ARHGAP29: variants seen among roughly 807,000 people sequenced by gnomAD.
The protein encoded by ARHGAP29 is Rho GTPase activating protein 29.
A neutral mutation model predicts 122.6 loss-of-function variants in ARHGAP29; 43 were observed. That is an observed-to-expected ratio of 0.35 (90% CI 0.27 to 0.45). The LOEUF is 0.45. Ranked by LOEUF, ARHGAP29 falls within the 20% of genes least tolerant of loss-of-function variation. The pLI is 1.00. For synonymous variants in ARHGAP29, 506 were observed against 497.1 expected, an observed-to-expected ratio of 1.02 and a Z score of -0.24; for missense variants, 1,303 against 1,477.2, an observed-to-expected ratio of 0.88 and a Z score of 1.93.
chr1:94,173,195 A>C lies in ARHGAP29; in HGVS notation c.*674T>G, dbSNP rs544219139. ...TATAATATAACTGAATATATAATTT[A>C]GAAACAGGTTTAAGTGCATTTTCTT... On this transcript the variant is annotated 3_prime_UTR_variant, in exon 23 of 23. Transcript: ENST00000260526. 5.2e-5 allele frequency: 8 copies of C among 152,778 alleles called. No homozygotes were observed. Among genetic ancestry groups the C allele is most frequent in the Middle Eastern group, 3.4e-3 (1 of 294 alleles). The allele number at this position is 152,778 out of a possible 1,614,324, so 9.5% of individuals were successfully genotyped here. A position where few individuals can be genotyped will look rare whatever the true frequency, so the allele number is the denominator to read the frequency against.
intron 12 of ARHGAP29, chr1:94,191,768 A>C (rs1361886711): frequency 6.6e-6 from 1 of 152,194 alleles, no homozygotes; most frequent in African/African-American, 2.4e-5. Context: ...GTTGAAACCC[A>C]AGATTCTGCA....
upstream of ARHGAP29, among the ~76,000 whole-genome samples, chr1:94,239,811 T>G (rs1407257599): frequency 1.3e-5 from 2 of 152,230 alleles, no homozygotes; most frequent in Admixed American, 1.3e-4. Flanking sequence ...CAAGGCTCCT[T>G]GATTACCTGC....
At chr1:94,181,934 A>T (rs1292882802) in intron 19 of ARHGAP29, among the ~76,000 whole-genome samples, 1 of 152,228 alleles carries the variant, frequency 6.6e-6, no homozygotes, top group Non-Finnish European at 1.5e-5. Context: ...TTAATAATTT[A>T]AAAATACTGA....
chr1:94,233,593 C>T (rs1044764778), intron 1 of ARHGAP29, among the ~76,000 whole-genome samples: 2 of 152,128 alleles, frequency 1.3e-5, no homozygotes, highest in African/African-American at 4.8e-5. Flanking sequence ...CTCTACAAGG[C>T]TCAACATGAG....
At chr1:94,277,245 C>T (rs1241740844), upstream of ARHGAP29, among the ~76,000 whole-genome samples, 5 of 152,122 alleles carry the variant, frequency 3.3e-5, no homozygotes, top group South Asian at 2.1e-4. Context: ...TTGCCATTCT[C>T]GGAAGATCTT....
intron 2 of ARHGAP29, among the ~76,000 whole-genome samples, chr1:94,221,989 AC>A (rs1194901634): frequency 1.3e-5 from 2 of 151,220 alleles, no homozygotes; most frequent in Non-Finnish European, 3.0e-5. Flanking sequence ...AAAAAAAAAA[AC>A]TAAAACAAAC....
chr1:94,243,200 G>T (rs1351958356), intron 1 of ARHGAP29, among the ~76,000 whole-genome samples: 1 of 146,906 alleles, frequency 6.8e-6, no homozygotes, highest in Non-Finnish European at 1.5e-5. Flanking sequence ...CAATCAACTT[G>T]ACCTGATAGA....
At chr1:94,293,504 C>G in the ARHGAP29 span, among the ~76,000 whole-genome samples, 1 of 152,184 alleles carries the variant, frequency 6.6e-6, no homozygotes, top group South Asian at 2.1e-4. Context: ...TCCAACCAGT[C>G]CCAGTGAGAT....
chr1:94,215,381 T>C (rs1487375638), intron 3 of ARHGAP29, among the ~76,000 whole-genome samples: 1 of 149,786 alleles, frequency 6.7e-6, no homozygotes, highest in Admixed American at 6.7e-5. Flanking sequence ...AAAATCTTCA[T>C]GGAAAAAATA....
intron 3 of ARHGAP29, among the ~76,000 whole-genome samples, chr1:94,214,697 T>C (rs1460177024): frequency 6.6e-6 from 1 of 152,164 alleles, no homozygotes; most frequent in Non-Finnish European, 1.5e-5. Flanking sequence ...CATTAAAATG[T>C]TGCTTAAGGT....
At chr1:94,174,811 G>A (rs2101320880) in intron 22 of ARHGAP29, 62 bp from the exon 23 acceptor site, 1 of 1,516,980 alleles carries the variant, frequency 6.6e-7, no homozygotes, top group East Asian at 2.3e-5. Context: ...GTTTGAATGA[G>A]TTAGAGATGA....
At chr1:94,281,840 T>A in the ARHGAP29 span, among the ~76,000 whole-genome samples, 1 of 152,152 alleles carries the variant, frequency 6.6e-6, no homozygotes, top group African/African-American at 2.4e-5. Context: ...GGGGAATATT[T>A]TTTTCCCTTG....
intron 6 of ARHGAP29, 42 bp from the exon 7 acceptor site, chr1:94,205,240 T>C: frequency 6.8e-7 from 1 of 1,468,346 alleles, no homozygotes; most frequent in South Asian, 1.4e-5. Flanking sequence ...TTAAATGTGA[T>C]CACATCATAA....
the ARHGAP29 span, among the ~76,000 whole-genome samples, chr1:94,294,540 C>T: frequency 6.6e-6 from 1 of 152,260 alleles, no homozygotes; most frequent in South Asian, 2.1e-4. Flanking sequence ...TCCACCTAGG[C>T]CTCCCAAAGT....
chr1:94,225,931 T>C (rs1652587280), intron 2 of ARHGAP29, among the ~76,000 whole-genome samples: 1 of 152,034 alleles, frequency 6.6e-6, no homozygotes, highest in Non-Finnish European at 1.5e-5. Flanking sequence ...TTCACCGATC[T>C]AAGCCATTTA....
At chr1:94,289,351 C>G in the ARHGAP29 span, among the ~76,000 whole-genome samples, 251 of 152,286 alleles carry the variant, frequency 1.6e-3, 1 homozygote, top group African/African-American at 5.8e-3. Context: ...TATCCTGAGA[C>G]TTTGCTGAAG....
At chr1:94,198,487 CA>C (rs1650608275) in intron 12 of ARHGAP29, among the ~76,000 whole-genome samples, 1 of 151,874 alleles carries the variant, frequency 6.6e-6, no homozygotes, top group African/African-American at 2.4e-5. Flanking sequence ...CAAAAACAAA[CA>C]AAAAACCCCC....
At chr1:94,175,131 G>A (rs899378296) in intron 22 of ARHGAP29, among the ~76,000 whole-genome samples, 1 of 152,154 alleles carries the variant, frequency 6.6e-6, no homozygotes, top group African/African-American at 2.4e-5. Context: ...CCAACCAGAT[G>A]TAAGTGTGCC....
At chr1:94,281,036 C>T in the ARHGAP29 span, among the ~76,000 whole-genome samples, 3 of 152,160 alleles carry the variant, frequency 2.0e-5, no homozygotes, top group African/African-American at 7.2e-5. Context: ...CATTTCAATC[C>T]TTTCAAGAGC....
Sources: gnomAD v4.1 joint callset for allele counts (sites outside exome capture counted in the v4.1 genomes callset) on GRCh38, gnomAD v4.1.1 for gene constraint, MANE v1.5 for transcripts, NCBI Gene and HGNC (gene_info 2026-07-23, HGNC 2026-07-21) for gene names.